Variants in UGT1A10 observed in about 807,000 individuals in gnomAD.
UGT1A10 encodes the protein UDP glucuronosyltransferase family 1 member A10.
UGT1A10 carries 49 observed loss-of-function variants against 45.8 expected under a neutral mutation model. The ratio of observed to expected loss-of-function variants is 1.07; its 90% confidence interval spans 0.85 to 1.36. UGT1A10 has a LOEUF of 1.36. Ranked by LOEUF, UGT1A10 falls within the 40% of genes most tolerant of loss-of-function variation. The probability of loss-of-function intolerance (pLI) is 0.00; values close to 1 mark genes in which losing one functional copy is unlikely to be tolerated. For synonymous variants in UGT1A10, 284 were observed against 249.7 expected, an observed-to-expected ratio of 1.14 and a Z score of -1.29; for missense variants, 745 against 668.6, an observed-to-expected ratio of 1.11 and a Z score of -1.26.
intron 1 of UGT1A10, chr2:233,693,250 T>A (rs139492272): frequency 1.9e-6 from 3 of 1,614,198 alleles, no homozygotes; most frequent in Non-Finnish European, 2.5e-6. Context: ...CAGTGCCGTA[T>A]GACCAAGAAG....
At chr2:233,751,930 T>G (rs1477221297) in intron 1 of UGT1A10, among the ~76,000 whole-genome samples, 5 of 152,152 alleles carry the variant, frequency 3.3e-5, no homozygotes, top group African/African-American at 7.2e-5. Context: ...TGGTGGTGAT[T>G]GAAGTTATAC....
chr2:233,672,463 C>T, intron 1 of UGT1A10: 1 of 1,613,966 alleles, frequency 6.2e-7, no homozygotes, highest in South Asian at 1.1e-5. Context: ...TTGCCACTAT[C>T]TTGAAGAAGG....
At chr2:233,683,695 A>C (rs372435428) in intron 1 of UGT1A10, among the ~76,000 whole-genome samples, 1 of 152,010 alleles carries the variant, frequency 6.6e-6, no homozygotes, top group Admixed American at 6.6e-5. Flanking sequence ...TCTGCATTTC[A>C]TTATTTTTGA....
At chr2:233,652,330 T>C (rs2073761772) in intron 1 of UGT1A10, among the ~76,000 whole-genome samples, 1 of 152,262 alleles carries the variant, frequency 6.6e-6, no homozygotes, top group Non-Finnish European at 1.5e-5. Context: ...TGAGCACCCA[T>C]ATATCCATCT....
At chr2:233,682,762 C>A (rs760728918) in intron 1 of UGT1A10, 1 of 1,613,690 alleles carries the variant, frequency 6.2e-7, no homozygotes, top group Non-Finnish European at 8.5e-7. Context: ...TTGGTGGTAT[C>A]AACTGTCATC....
chr2:233,722,534 T>C (rs2077021206), intron 1 of UGT1A10, among the ~76,000 whole-genome samples: 1 of 152,230 alleles, frequency 6.6e-6, no homozygotes, highest in Admixed American at 6.5e-5. Context: ...CTTAATGATT[T>C]CATCCTAGTT....
chr2:233,736,864 A>G lies in UGT1A10; in HGVS notation c.856-30170A>G, dbSNP rs948375151. On this transcript the variant is annotated intron_variant, in intron 1 of 4. Transcript: ENST00000344644. ...ACCAGTGGAGGCTGCAGAACAGCAA[A>G]TATTGCAGAACAGCAAATATTGCTG... Among the ~76,000 whole-genome samples, 4 of 152,194 alleles carry G rather than the reference A, an allele frequency of 2.6e-5. No homozygotes were observed. The East Asian group carries it at 7.7e-4, about 29-fold the overall frequency.
intron 1 of UGT1A10, chr2:233,692,823 T>C: frequency 7.0e-7 from 1 of 1,433,698 alleles, no homozygotes; most frequent in South Asian, 1.5e-5. Context: ...ATATTAACCA[T>C]GTGATTAAAA....
chr2:233,761,836 A>C (rs1697880138), intron 1 of UGT1A10, among the ~76,000 whole-genome samples: 1 of 152,212 alleles, frequency 6.6e-6, no homozygotes, highest in African/African-American at 2.4e-5. Flanking sequence ...ATGGAGCGTT[A>C]GGGAATTACT....
chr2:233,643,944 C>A (rs113213917), intron 1 of UGT1A10, among the ~76,000 whole-genome samples: 2 of 152,306 alleles, frequency 1.3e-5, no homozygotes, highest in African/African-American at 4.8e-5. Context: ...GTCCTCCCCA[C>A]TTTTCCCTCT....
intron 1 of UGT1A10, among the ~76,000 whole-genome samples, chr2:233,735,014 T>A (rs902605197): frequency 6.6e-6 from 1 of 152,232 alleles, no homozygotes; most frequent in Non-Finnish European, 1.5e-5. Flanking sequence ...GAGAGTTCTG[T>A]AGATGTCTAT....
Position 233,742,052 on chromosome 2 carries a change from GT to G in UGT1A10, c.856-24980del, listed in dbSNP as rs1691857314. On this transcript the variant is annotated intron_variant, in intron 1 of 4. Coordinates refer to ENST00000344644, the MANE Select transcript of UGT1A10 (RefSeq NM_019075.4). ...ATGTCCCAAGCATAGCAATAGGATA[GT>G]TCTGTGTGGCCTTATGGAGATCCTT... 2.0e-5 allele frequency: 3 copies of G among 151,942 alleles called. 1 individual carries two copies. Among genetic ancestry groups the G allele is most frequent in the African/African-American group, 7.3e-5 (3 of 41,170 alleles). The allele number at this position is 151,942 out of a possible 1,614,324, so 9.4% of individuals were successfully genotyped here.
intron 1 of UGT1A10, among the ~76,000 whole-genome samples, chr2:233,720,373 A>G (rs1230236901): frequency 1.3e-5 from 2 of 152,118 alleles, no homozygotes; most frequent in Non-Finnish European, 2.9e-5. Flanking sequence ...AGGGTCTTCT[A>G]CTTGGAATGC....
intron 1 of UGT1A10, among the ~76,000 whole-genome samples, chr2:233,676,024 T>C (rs2074343240): frequency 6.6e-6 from 1 of 152,154 alleles, no homozygotes; most frequent in South Asian, 2.1e-4. Context: ...AATAAACCCA[T>C]ACATATACAT....
chr2:233,771,170 G>A (rs1309098130), intron 4 of UGT1A10: 1 of 152,100 alleles, frequency 6.6e-6, no homozygotes, highest in African/African-American at 2.4e-5. Flanking sequence ...CCAGCACTGG[G>A]GATTACAATT....
At chr2:233,754,984 G>A (rs527779009) in intron 1 of UGT1A10, 1 of 1,295,398 alleles carries the variant, frequency 7.7e-7, no homozygotes, top group Non-Finnish European at 1.0e-6. Context: ...ACCTCGGCGG[G>A]GTCACGGAAG....
rs770433443 is a variant in UGT1A10 at position 233,767,890 on chromosome 2, G to T, written c.1029G>T (p.Ala343=). The T allele has an allele frequency of 4.3e-6, 7 of 1,614,094 alleles. No individual in the cohort carries two copies. Among genetic ancestry groups the T allele is most frequent in the Non-Finnish European group, 1.7e-6 (2 of 1,180,038 alleles). The change falls in exon 3 of 5, where the codon GCG becomes GCT. Residue 343 remains alanine, a synonymous_variant. Transcript: ENST00000344644. ...RYTGTRPSNL[A]NNTILVKWLP... is the part of the protein sequence containing the mutation. ...CTGGAACCCGACCATCGAATCTTGC[G>T]AACAACACGATACTTGTTAAGTGGC...
rs764913978 is a variant in UGT1A10 at position 233,637,301 on chromosome 2, A to T, written c.779A>T (p.Asp260Val). The T allele has an allele frequency of 6.2e-7, 1 of 1,613,834 alleles. No homozygotes were observed. The highest frequency in any genetic ancestry group is 8.5e-7 in the Non-Finnish European group (1 of 1,179,872). Residue 260 changes from aspartate (D) to valine (V), a missense_variant, in exon 1 of 5, where the codon GAC becomes GTC. Coordinates refer to ENST00000344644, the MANE Select transcript of UGT1A10 (RefSeq NM_019075.4). ...TTGTTGCGAACGGACTTTGTTTTGGACTATCCCAAACCCGTGATGCCCAAC... is the reference window on the plus strand; with the variant it reads ...TTGTTGCGAACGGACTTTGTTTTGGTCTATCCCAAACCCGTGATGCCCAAC... ...IWLLRTDFVL[D>V]YPKPVMPNMI...
At chr2:233,653,029 A>G (rs1419371438) in intron 1 of UGT1A10, among the ~76,000 whole-genome samples, 1 of 152,208 alleles carries the variant, frequency 6.6e-6, no homozygotes, top group South Asian at 2.1e-4. Flanking sequence ...GTGAACCCAC[A>G]TGGCCTCTCT....
Sources: gnomAD v4.1 joint callset for allele counts (sites outside exome capture counted in the v4.1 genomes callset) on GRCh38, gnomAD v4.1.1 for gene constraint, MANE v1.5 for transcripts, NCBI Gene and HGNC (gene_info 2026-07-23, HGNC 2026-07-21) for gene names.